FER: variants seen among roughly 807,000 people sequenced by gnomAD.
FER encodes FER tyrosine kinase.
In FER, 63 loss-of-function variants were observed where a neutral mutation model predicts 111.0. The ratio of observed to expected loss-of-function variants is 0.57; its 90% CI spans 0.46 to 0.70. The LOEUF is 0.70. FER is among the 30% of genes least tolerant of loss of function. The pLI, the probability that FER is intolerant of heterozygous loss-of-function variation, is 0.00. For missense variants in FER, 914 were observed against 954.0 expected, an observed-to-expected ratio of 0.96 and a Z score of 0.55; for synonymous variants, 327 against 313.9, an observed-to-expected ratio of 1.04 and a Z score of -0.44.
chr5:108,872,971 C>G (rs1764744764), intron 8 of FER, among the ~76,000 whole-genome samples: 2 of 152,060 alleles, frequency 1.3e-5, no homozygotes, highest in African/African-American at 2.4e-5. Flanking sequence ...TATCATATCA[C>G]CTGTTGGAAA....
intron 13 of FER, among the ~76,000 whole-genome samples, chr5:108,972,750 C>T (rs1325867265): frequency 4.6e-5 from 7 of 152,254 alleles, no homozygotes; most frequent in African/African-American, 1.7e-4. Flanking sequence ...AAACAAGACT[C>T]ATATTCTATT....
chr5:108,993,169 T>A (rs1763483501), intron 13 of FER, among the ~76,000 whole-genome samples: 1 of 152,046 alleles, frequency 6.6e-6, no homozygotes, highest in Non-Finnish European at 1.5e-5. Flanking sequence ...TCTCAGCACT[T>A]TGGGAGGCCA....
intron 5 of FER, among the ~76,000 whole-genome samples, chr5:108,856,636 TG>T (rs1489906876): frequency 6.6e-6 from 1 of 152,200 alleles, no homozygotes; most frequent in Non-Finnish European, 1.5e-5. Context: ...AGACTATAAC[TG>T]TGCATCCCTC....
chr5:108,783,363 G>T (rs1272902458), intron 2 of FER, among the ~76,000 whole-genome samples: 3 of 152,108 alleles, frequency 2.0e-5, no homozygotes, highest in Non-Finnish European at 4.4e-5. Context: ...TGTTTTAAGA[G>T]AATTTACAAT....
At chr5:108,999,113 C>A (rs1764379765) in intron 13 of FER, among the ~76,000 whole-genome samples, 1 of 151,994 alleles carries the variant, frequency 6.6e-6, no homozygotes, top group Non-Finnish European at 1.5e-5. Context: ...TATGCATAAA[C>A]TTGTAGCCTT....
intron 8 of FER, among the ~76,000 whole-genome samples, chr5:108,873,227 C>T (rs1219596309): frequency 6.6e-6 from 1 of 152,060 alleles, no homozygotes; most frequent in Non-Finnish European, 1.5e-5. Flanking sequence ...TCACTGCAAC[C>T]TCTGCCTCGC....
At chr5:108,883,901 C>CT (rs1318498694) in intron 9 of FER, among the ~76,000 whole-genome samples, 1 of 151,956 alleles carries the variant, frequency 6.6e-6, no homozygotes, top group African/African-American at 2.4e-5. Flanking sequence ...TAAATAGTCT[C>CT]TACTCTGTTA....
chr5:108,819,783 A>C, intron 3 of FER: 1 of 984,660 alleles, frequency 1.0e-6, no homozygotes, highest in Non-Finnish European at 1.2e-6. Context: ...CAGAAGAAGG[A>C]AGTGTCTTGA....
intron 1 of FER, among the ~76,000 whole-genome samples, chr5:108,763,746 G>A (rs1752009798): frequency 1.3e-5 from 2 of 152,144 alleles, no homozygotes; most frequent in Admixed American, 6.5e-5. Flanking sequence ...TTCTGTGCAG[G>A]AACATGAGAA....
At position 108,867,877 on chromosome 5, in the gene FER, C is replaced by G. The variant is rs1011312788; in HGVS notation, c.592C>G (p.Gln198Glu). The change falls in exon 6 of 20, where the codon CAG becomes GAG. Residue 198 changes from glutamine (Q) to glutamate (E), a missense_variant. This residue lies in a region of FER where 774 missense variants were observed against 782.6 expected (regional missense o/e 0.99). Transcript: ENST00000281092. ...ALKGAQLHQNQYYDITLPLLL... is the reference protein window; with the variant it reads ...ALKGAQLHQNEYYDITLPLLL... Reference sequence around the variant, plus strand: ...GAAAGGGGCACAGCTCCATCAGAATCAGTATTATGATATCACACTTCCCCT... The same window carrying G: ...GAAAGGGGCACAGCTCCATCAGAATGAGTATTATGATATCACACTTCCCCT... The G allele has an allele frequency of 1.2e-6, 2 of 1,612,632 alleles. No individual in the cohort carries two copies. The highest frequency in any genetic ancestry group is 2.7e-5 in the African/African-American group (2 of 74,774).
intron 17 of FER, among the ~76,000 whole-genome samples, chr5:109,148,424 A>T (rs1004047882): frequency 2.0e-5 from 3 of 152,178 alleles, no homozygotes; most frequent in Non-Finnish European, 2.9e-5. Flanking sequence ...CTTTTTAAAA[A>T]GATTGAAAAG....
chr5:108,915,483 A>G (rs145357749), intron 10 of FER, among the ~76,000 whole-genome samples: 14 of 152,236 alleles, frequency 9.2e-5, no homozygotes, highest in African/African-American at 3.1e-4. Context: ...CAAAAAACAA[A>G]TAACTACTTT....
chr5:108,960,387 T>C (rs1162943330), intron 13 of FER, among the ~76,000 whole-genome samples: 1 of 152,130 alleles, frequency 6.6e-6, no homozygotes, highest in Non-Finnish European at 1.5e-5. Flanking sequence ...AACATTCTAA[T>C]TCTCTGGTTA....
intron 3 of FER, among the ~76,000 whole-genome samples, chr5:108,823,752 C>T (rs921748909): frequency 6.6e-6 from 1 of 151,864 alleles, no homozygotes; most frequent in Admixed American, 6.6e-5. Context: ...TGGTTATTTC[C>T]TTTGCTGTGT....
At chr5:109,030,323 T>C (rs1272345214) in intron 13 of FER, among the ~76,000 whole-genome samples, 1 of 152,194 alleles carries the variant, frequency 6.6e-6, no homozygotes, top group African/African-American at 2.4e-5. Flanking sequence ...TGGTTGACTG[T>C]CTTTTCTCAT....
Position 108,897,649 on chromosome 5 carries a change from T to G in FER, c.1047-10T>G, listed in dbSNP as rs756231574. 6.6e-7 allele frequency: 1 copy of G among 1,517,928 alleles called. No individual in the cohort carries two copies. Among genetic ancestry groups the G allele is most frequent in the Non-Finnish European group, 8.8e-7 (1 of 1,135,056 alleles). The allele number at this position is 1,517,928 out of a possible 1,614,324, so 94.0% of individuals were successfully genotyped here. A position where few individuals can be genotyped will look rare whatever the true frequency, so the allele number is the denominator to read the frequency against. ...TGAAGTTGAAATCATTTATATTTAT[T>G]CTCTTTTAGTATTGTGCTTCTGCTA... On this transcript the variant is annotated splice_polypyrimidine_tract_variant and intron_variant, in intron 9 of 19. Coordinates refer to ENST00000281092, the MANE Select transcript of FER (RefSeq NM_005246.4).
intron 11 of FER, 27 bp from the exon 12 acceptor site, chr5:108,954,702 G>GTTTT: frequency 1.7e-6 from 2 of 1,186,908 alleles, no homozygotes; most frequent in Non-Finnish European, 1.1e-6. Flanking sequence ...CTCTAATTTA[G>GTTTT]TTTTTTTTTT....
intron 13 of FER, among the ~76,000 whole-genome samples, chr5:109,023,119 G>A (rs1768158609): frequency 1.3e-5 from 2 of 152,130 alleles, no homozygotes; most frequent in Admixed American, 6.6e-5. Flanking sequence ...AATGATGTTT[G>A]CTTGGTCTTA....
chr5:109,078,807 A>G (rs1776662069), intron 16 of FER, among the ~76,000 whole-genome samples: 2 of 152,296 alleles, frequency 1.3e-5, no homozygotes, highest in East Asian at 1.9e-4. Context: ...CTATTTTCTC[A>G]TATTTTGAAT....
Sources: gnomAD v4.1 joint callset for allele counts (sites outside exome capture counted in the v4.1 genomes callset) on GRCh38, gnomAD v4.1.1 for gene constraint, gnomAD v4.1.1 regional missense constraint, MANE v1.5 for transcripts, NCBI Gene and HGNC (gene_info 2026-07-23, HGNC 2026-07-21) for gene names.